ANXA8: variants seen among roughly 807,000 people sequenced by gnomAD.
The protein encoded by ANXA8 is annexin A8.
In ANXA8, 9 loss-of-function variants were observed where a neutral mutation model predicts 26.8. That is an observed-to-expected ratio of 0.34 (90% CI 0.20 to 0.59). The LOEUF (loss-of-function observed/expected upper bound fraction) is 0.59, where lower values mean the gene tolerates loss of function less well. Among genes scored for constraint, ANXA8 ranks in the 20% least tolerant of loss-of-function variants. ANXA8 has a pLI of 0.84. For missense variants in ANXA8, 83 were observed against 238.5 expected, an observed-to-expected ratio of 0.35 and a Z score of 4.29; for synonymous variants, 39 against 94.8, an observed-to-expected ratio of 0.41 and a Z score of 3.42.
At chr10:47,973,139 C>T in the ANXA8 span, 1 of 149,514 alleles carries the variant, frequency 6.7e-6, no homozygotes, top group Admixed American at 6.7e-5. Context: ...CCTTCTCAAA[C>T]TTGTGGGACC....
At chr10:47,988,947 T>C in the ANXA8 span, among the ~76,000 whole-genome samples, 1 of 151,828 alleles carries the variant, frequency 6.6e-6, no homozygotes, top group Non-Finnish European at 1.5e-5. Flanking sequence ...CCCTTGCTTG[T>C]GGAGTCACGC....
chr10:47,514,200 C>T, the ANXA8 span, among the ~76,000 whole-genome samples: 1 of 146,842 alleles, frequency 6.8e-6, no homozygotes, highest in African/African-American at 2.6e-5. Context: ...GGAACCAGCC[C>T]AAATGCCCAT....
the ANXA8 span, among the ~76,000 whole-genome samples, chr10:47,661,186 G>GA: frequency 1.7e-5 from 2 of 118,154 alleles, no homozygotes; most frequent in Non-Finnish European, 3.3e-5. Flanking sequence ...ACCAGAAATA[G>GA]AAACTAAGAA....
At chr10:47,703,290 A>G in the ANXA8 span, among the ~76,000 whole-genome samples, 1 of 151,774 alleles carries the variant, frequency 6.6e-6, no homozygotes, top group Non-Finnish European at 1.5e-5. Context: ...ATTACTGGCC[A>G]TGCTCAGTGG....
At chr10:47,623,877 TA>T in the ANXA8 span, among the ~76,000 whole-genome samples, 66 of 74,344 alleles carry the variant, frequency 8.9e-4, no homozygotes, top group Non-Finnish European at 4.7e-4. Flanking sequence ...TTTTTTTTTT[TA>T]AATTCTCGTC....
At chr10:47,743,405 T>TGTGAGAGA in the ANXA8 span, among the ~76,000 whole-genome samples, 91 of 83,512 alleles carry the variant, frequency 1.1e-3, no homozygotes, top group East Asian at 8.0e-3. Flanking sequence ...TGTGTGTGTG[T>TGTGAGAGA]GAGAGAGAGA....
At chr10:47,672,623 C>T in the ANXA8 span, among the ~76,000 whole-genome samples, 2 of 151,826 alleles carry the variant, frequency 1.3e-5, no homozygotes, top group African/African-American at 4.9e-5. Flanking sequence ...GGGACAAATA[C>T]ATTTCAGATG....
At chr10:47,735,871 C>T in the ANXA8 span, among the ~76,000 whole-genome samples, 2 of 148,200 alleles carry the variant, frequency 1.3e-5, no homozygotes, top group South Asian at 4.3e-4. Context: ...AAACTCCTGG[C>T]CTCAAGTGAT....
At chr10:47,658,340 C>T in the ANXA8 span, among the ~76,000 whole-genome samples, 9,486 of 149,374 alleles carry the variant, frequency 0.064, 824 homozygotes, top group African/African-American at 0.23. Flanking sequence ...GAGCCAAGAT[C>T]GCACCACTGC....
At chr10:47,572,193 T>C in the ANXA8 span, among the ~76,000 whole-genome samples, 23 of 142,624 alleles carry the variant, frequency 1.6e-4, 1 homozygote, top group African/African-American at 5.7e-4. Flanking sequence ...CTTCCTCTTC[T>C]GTTTTTGGAA....
chr10:47,761,115 C>CAG, the ANXA8 span, among the ~76,000 whole-genome samples: 1 of 149,964 alleles, frequency 6.7e-6, no homozygotes, highest in Non-Finnish European at 1.5e-5. Context: ...CACACACACA[C>CAG]ACACACACAC....
chr10:47,694,199 A>G, the ANXA8 span, among the ~76,000 whole-genome samples: 1 of 151,614 alleles, frequency 6.6e-6, no homozygotes, highest in Non-Finnish European at 1.5e-5. Context: ...ATTTCTATGA[A>G]CTTTTTTTAA....
chr10:47,669,093 A>G, the ANXA8 span, among the ~76,000 whole-genome samples: 11 of 151,896 alleles, frequency 7.2e-5, no homozygotes, highest in African/African-American at 1.9e-4. Context: ...AATGTGCTTT[A>G]TGTTTCCCTG....
chr10:47,605,023 A>C, the ANXA8 span, among the ~76,000 whole-genome samples: 5 of 151,064 alleles, frequency 3.3e-5, no homozygotes, highest in Non-Finnish European at 1.5e-5. Context: ...AAACCAAACC[A>C]ACTCCTTCCC....
the ANXA8 span, among the ~76,000 whole-genome samples, chr10:47,496,841 A>G: frequency 6.8e-6 from 1 of 147,162 alleles, no homozygotes; most frequent in Non-Finnish European, 1.5e-5. Flanking sequence ...AATCCTTCCC[A>G]GTGCATTCCA....
chr10:47,619,466 G>A, the ANXA8 span, among the ~76,000 whole-genome samples: 1 of 114,502 alleles, frequency 8.7e-6, no homozygotes, highest in Non-Finnish European at 1.9e-5. Flanking sequence ...GCAGCCATGG[G>A]TGAACCAGTG....
the ANXA8 span, among the ~76,000 whole-genome samples, chr10:47,679,198 T>TA: frequency 6.9e-6 from 1 of 144,054 alleles, no homozygotes; most frequent in Non-Finnish European, 1.5e-5. Context: ...GCAATTTCCT[T>TA]AAAAAAGAAA....
At chr10:47,648,616 G>A in the ANXA8 span, among the ~76,000 whole-genome samples, 4 of 123,030 alleles carry the variant, frequency 3.3e-5, no homozygotes, top group African/African-American at 7.5e-5. Flanking sequence ...TTTGTAATAC[G>A]ATCATGATCC....
chr10:47,595,618 A>G, the ANXA8 span, among the ~76,000 whole-genome samples: 4 of 149,498 alleles, frequency 2.7e-5, no homozygotes, highest in South Asian at 8.3e-4. Context: ...CTATTCTCAT[A>G]TCAGAGAAAA....
Sources: gnomAD v4.1 joint callset for allele counts (sites outside exome capture counted in the v4.1 genomes callset) on GRCh38, gnomAD v4.1.1 for gene constraint, MANE v1.5 for transcripts, NCBI Gene and HGNC (gene_info 2026-07-23, HGNC 2026-07-21) for gene names.